The following FBN2 variants were observed in gnomAD, a reference collection of about 807,000 sequenced individuals.
FBN2 encodes fibrillin 2, also known as fibrillin-2.
Under a neutral mutation model 355.6 loss-of-function variants are expected in FBN2, and 105 were observed. The ratio of observed to expected loss-of-function variants is 0.30; its 90% CI spans 0.25 to 0.35. The LOEUF is 0.35. Ranked by LOEUF, FBN2 falls within the 10% of genes least tolerant of loss-of-function variation. The pLI is 1.00. For missense variants in FBN2, 3,280 were observed against 3,758.7 expected, an observed-to-expected ratio of 0.87 and a Z score of 3.33; for synonymous variants, 1,350 against 1,301.2, an observed-to-expected ratio of 1.04 and a Z score of -0.81.
intron 61 of FBN2, among the ~76,000 whole-genome samples, chr5:128,272,502 G>T (rs1292660363): frequency 1.4e-5 from 2 of 138,714 alleles, no homozygotes; most frequent in African/African-American, 5.7e-5. Context: ...TATTTGCATT[G>T]CATAGTCCAG....
At chr5:128,302,171 T>A (rs1036694095) in intron 46 of FBN2, among the ~76,000 whole-genome samples, 1 of 152,164 alleles carries the variant, frequency 6.6e-6, no homozygotes, top group Non-Finnish European at 1.5e-5. Flanking sequence ...GGAACTTATG[T>A]TGGGTTAAAT....
chr5:128,259,447 G>C lies in FBN2; in HGVS notation c.*8C>G. ...AGGATTTGAGCCTGGGCCCAAGTCT[G>C]TGAAGGGTTAATAGAGCTGAATCTG... On this transcript the variant is annotated 3_prime_UTR_variant, in exon 65 of 65. Transcript: ENST00000262464. The C allele has an allele frequency of 6.2e-7, 1 of 1,612,752 alleles. No individual in the cohort carries two copies.
intron 60 of FBN2, 89 bp from the exon 61 acceptor site, chr5:128,274,057 C>A (rs1313606923): frequency 2.2e-5 from 33 of 1,483,066 alleles, no homozygotes; most frequent in Non-Finnish European, 3.0e-5. Flanking sequence ...TGTATGAAAA[C>A]CTAAGTTTCA....
intron 5 of FBN2, among the ~76,000 whole-genome samples, chr5:128,506,413 A>G (rs74691144): frequency 0.033 from 4,953 of 152,272 alleles, 266 homozygotes; most frequent in African/African-American, 0.11. Flanking sequence ...TGAGTATTAC[A>G]TAATAAATAA....
At chr5:128,285,658 G>A (rs1749128271) in intron 55 of FBN2, among the ~76,000 whole-genome samples, 1 of 151,970 alleles carries the variant, frequency 6.6e-6, no homozygotes, top group African/African-American at 2.4e-5. Flanking sequence ...GCAGATGAAG[G>A]AACTGAAGAA....
intron 20 of FBN2, among the ~76,000 whole-genome samples, chr5:128,355,700 T>C (rs981707559): frequency 6.6e-6 from 1 of 152,246 alleles, no homozygotes; most frequent in African/African-American, 2.4e-5. Flanking sequence ...TAGATTCTCT[T>C]TTTAATAAAA....
At chr5:128,345,671 A>T (rs1315393860) in intron 23 of FBN2, 87 bp from the exon 24 acceptor site, 3 of 1,203,678 alleles carry the variant, frequency 2.5e-6, no homozygotes, top group Non-Finnish European at 3.7e-6. Flanking sequence ...AGCACCAGGC[A>T]TCATGCAGGA....
chr5:128,278,535 C>T (rs1765452126), intron 57 of FBN2, 100 bp downstream of exon 57: 1 of 1,017,362 alleles, frequency 9.8e-7, no homozygotes, highest in Non-Finnish European at 1.5e-6. Context: ...ATTTTAGCTA[C>T]TCTTTTGATT....
chr5:128,345,731 G>A (rs993312124), intron 23 of FBN2, 147 bp from the exon 24 acceptor site: 1 of 712,020 alleles, frequency 1.4e-6, no homozygotes. Context: ...CTCCTGGAAT[G>A]GACTCCATAA....
intron 62 of FBN2, among the ~76,000 whole-genome samples, chr5:128,270,978 A>G (rs2126802779): frequency 6.6e-6 from 1 of 152,264 alleles, no homozygotes; most frequent in South Asian, 2.1e-4. Context: ...TGGTTTCTGC[A>G]TTTCTACACT....
At chr5:128,282,235 A>ATGATG (rs1296956534) in intron 55 of FBN2, among the ~76,000 whole-genome samples, 2 of 152,164 alleles carry the variant, frequency 1.3e-5, no homozygotes, top group African/African-American at 4.8e-5. Flanking sequence ...GAAATTCACC[A>ATGATG]TGATGTGCCT....
intron 35 of FBN2, among the ~76,000 whole-genome samples, chr5:128,318,641 T>C (rs979374630): frequency 2.3e-4 from 35 of 152,024 alleles, no homozygotes; most frequent in African/African-American, 8.5e-4. Flanking sequence ...AGAGACACTT[T>C]ACTAGTTTCA....
intron 14 of FBN2, 80 bp from the exon 15 acceptor site, chr5:128,374,830 T>C (rs934734039): frequency 1.4e-6 from 2 of 1,438,578 alleles, no homozygotes; most frequent in South Asian, 2.3e-5. Flanking sequence ...GCCACTGCTC[T>C]ATACTACTAA....
chr5:128,269,244 G>C (rs956714884), intron 62 of FBN2, among the ~76,000 whole-genome samples: 1 of 149,228 alleles, frequency 6.7e-6, no homozygotes, highest in African/African-American at 2.5e-5. Context: ...GTGAAACCCC[G>C]TCTCTACTAA....
At chr5:128,536,372 C>T in intron 2 of FBN2, 30 bp downstream of exon 2, 3 of 1,587,046 alleles carry the variant, frequency 1.9e-6, no homozygotes, top group Non-Finnish European at 2.6e-6. Context: ...AGTGCGCTGC[C>T]CCAAGCTGCG....
intron 5 of FBN2, among the ~76,000 whole-genome samples, chr5:128,478,686 C>T (rs1238297032): frequency 6.6e-6 from 1 of 152,198 alleles, no homozygotes; most frequent in Non-Finnish European, 1.5e-5. Context: ...TGGTCTAACT[C>T]AGTATTTCCC....
intron 63 of FBN2, 56 bp downstream of exon 63, chr5:128,263,369 G>T: frequency 7.4e-7 from 1 of 1,358,098 alleles, no homozygotes; most frequent in Non-Finnish European, 1.1e-6. Context: ...GGGGTGGCCT[G>T]AACTCACTCA....
Position 128,330,831 on chromosome 5 carries a change from C to T in FBN2, c.4223-136G>A, listed in dbSNP as rs963883431. On this transcript the variant is annotated intron_variant, in intron 32 of 64. Transcript: ENST00000262464. ...AGTTTGCAGGATCACAGTTCTAATTCGCTAAGCTCTCAGACCCAATGTCCA... is the reference window on the plus strand; with the variant it reads ...AGTTTGCAGGATCACAGTTCTAATTTGCTAAGCTCTCAGACCCAATGTCCA... 5.6e-5 allele frequency: 55 copies of T among 984,750 alleles called. 1 individual carries two copies. The highest frequency in any genetic ancestry group is 3.6e-4 in the Admixed American group (18 of 50,324). The allele number at this position is 984,750 out of a possible 1,614,324, so 61.0% of individuals were successfully genotyped here. A position where few individuals can be genotyped will look rare whatever the true frequency, so the allele number is the denominator to read the frequency against.
intron 5 of FBN2, among the ~76,000 whole-genome samples, chr5:128,505,532 C>T (rs1183909515): frequency 6.6e-6 from 1 of 152,096 alleles, no homozygotes; most frequent in African/African-American, 2.4e-5. Context: ...TGGTTTTATA[C>T]ATGTATAACC....
Sources: allele counts gnomAD v4.1 joint callset (sites outside exome capture counted in the v4.1 genomes callset), GRCh38; gene constraint gnomAD v4.1.1; transcripts MANE v1.5; gene names NCBI Gene and HGNC (gene_info 2026-07-23, HGNC 2026-07-21).